The following SNX29 variants were observed in gnomAD, a reference collection of about 807,000 sequenced individuals.
The protein encoded by SNX29 is sorting nexin 29.
Under a neutral mutation model 102.1 loss-of-function variants are expected in SNX29, and 78 were observed. The observed-to-expected ratio is 0.76, with a 90% CI of 0.64 to 0.92. The LOEUF (loss-of-function observed/expected upper bound fraction) is 0.92, where lower values mean the gene tolerates loss of function less well. SNX29 is among the 40% of genes least tolerant of loss of function. The probability of loss-of-function intolerance (pLI) is 0.00; values close to 1 mark genes in which losing one functional copy is unlikely to be tolerated. For missense variants in SNX29, 1,280 were observed against 1,061.7 expected (o/e 1.21, Z -2.86); for synonymous variants, 580 against 414.5 (o/e 1.40, Z -4.85).
At chr16:12,023,590 G>A (rs3844113) in intron 3 of SNX29, among the ~76,000 whole-genome samples, 54,466 of 137,824 alleles carry the variant, frequency 0.4, 11,469 homozygotes, top group Non-Finnish European at 0.47. Flanking sequence ...AAAAAAAAAA[G>A]AAAAGAAAAG....
chr16:12,151,905 T>C (rs2055318290), intron 13 of SNX29, among the ~76,000 whole-genome samples: 1 of 152,284 alleles, frequency 6.6e-6, no homozygotes, highest in Middle Eastern at 3.4e-3. Flanking sequence ...CTGGCCAATT[T>C]TTGTATTTTT....
chr16:12,047,565 C>G (rs1342798526), intron 6 of SNX29, among the ~76,000 whole-genome samples: 1 of 150,756 alleles, frequency 6.6e-6, no homozygotes, highest in South Asian at 2.1e-4. Context: ...TTAATACTTA[C>G]AATCCTGTGA....
intron 11 of SNX29, 105 bp from the exon 12 acceptor site, chr16:12,126,528 T>C: frequency 8.4e-7 from 1 of 1,185,366 alleles, no homozygotes; most frequent in Non-Finnish European, 1.2e-6. Context: ...AAAAGGGAAC[T>C]TATCTAGACA....
At position 12,327,061 on chromosome 16, in the gene SNX29, A is replaced by G. The variant is rs1386251860; in HGVS notation, c.1783-29102A>G. Among the ~76,000 whole-genome samples, 4 of 152,120 alleles carry G rather than the reference A, an allele frequency of 2.6e-5. No individual in the cohort carries two copies. The South Asian group carries it at 6.2e-4, about 24-fold the overall frequency. On this transcript the variant is annotated intron_variant, in intron 15 of 20. Coordinates refer to ENST00000566228, the MANE Select transcript of SNX29 (RefSeq NM_032167.5). ...CTGTGAGAATCGGAGGTGTCATCCT[A>G]TAGGAACCACATGACCCCTCTTCGT...
intron 20 of SNX29, among the ~76,000 whole-genome samples, chr16:12,548,194 C>T (rs540564523): frequency 7.2e-4 from 109 of 152,314 alleles, no homozygotes; most frequent in South Asian, 4.6e-3. Flanking sequence ...CATCCCACAG[C>T]GCCTCCCACA....
chr16:12,030,466 C>G (rs993444922), intron 4 of SNX29, among the ~76,000 whole-genome samples: 1 of 152,192 alleles, frequency 6.6e-6, no homozygotes, highest in Non-Finnish European at 1.5e-5. Context: ...TTCCTCCCAG[C>G]CTTCTCCTTC....
At chr16:12,273,359 G>GT (rs1313096664) in intron 14 of SNX29, among the ~76,000 whole-genome samples, 2 of 147,174 alleles carry the variant, frequency 1.4e-5, no homozygotes, top group East Asian at 2.0e-4. Context: ...TTTTTTTGTT[G>GT]TTGTTTGTTT....
chr16:12,573,257 C>T lies in SNX29; in HGVS notation c.*4628C>T, dbSNP rs573674186. The T allele has an allele frequency of 2.4e-4, 54 of 227,458 alleles. 1 individual carries two copies. The highest frequency in any genetic ancestry group is 1.1e-3 in the African/African-American group (49 of 45,164). The allele number at this position is 227,458 out of a possible 1,614,324, so 14.1% of individuals were successfully genotyped here. On this transcript the variant is annotated 3_prime_UTR_variant, in exon 21 of 21. Transcript: ENST00000566228. ...GTTGTTGAAATGTACCTCGATCAGTCATCTCTGGTATTCCTCACTCTAGCC... is the reference window on the plus strand; with the variant it reads ...GTTGTTGAAATGTACCTCGATCAGTTATCTCTGGTATTCCTCACTCTAGCC...
intron 9 of SNX29, among the ~76,000 whole-genome samples, chr16:12,067,450 C>G (rs186999829): frequency 6.6e-6 from 1 of 152,092 alleles, no homozygotes; most frequent in African/African-American, 2.4e-5. Context: ...CCCCGATGCA[C>G]GGCTGGTTCC....
chr16:12,549,683 T>G (rs1395307591), intron 20 of SNX29, among the ~76,000 whole-genome samples: 1 of 152,214 alleles, frequency 6.6e-6, no homozygotes, highest in Non-Finnish European at 1.5e-5. Flanking sequence ...GCCCGGCATC[T>G]TGATGTCGCA....
intron 18 of SNX29, among the ~76,000 whole-genome samples, chr16:12,420,134 G>A (rs1191409305): frequency 1.3e-5 from 2 of 152,216 alleles, no homozygotes; most frequent in Non-Finnish European, 2.9e-5. Context: ...CTACCCAGCA[G>A]CAGCCACATC....
intron 12 of SNX29, 146 bp from the exon 13 acceptor site, chr16:12,129,484 C>A: frequency 9.5e-7 from 1 of 1,055,002 alleles, no homozygotes; most frequent in Non-Finnish European, 1.3e-6. Context: ...ATCTCCAGTT[C>A]ACATGAGATA....
chr16:12,266,306 T>TAGGCAATTCTCCAACACC (rs1567375576), intron 14 of SNX29, among the ~76,000 whole-genome samples: 1 of 152,094 alleles, frequency 6.6e-6, no homozygotes, highest in African/African-American at 2.4e-5. Context: ...TCTTCCACAC[T>TAGGCAATTCTCCAACACC]AGGCAATTCT....
chr16:12,195,985 CT>C (rs762409358), intron 13 of SNX29, among the ~76,000 whole-genome samples: 3,084 of 117,954 alleles, frequency 0.026, 17 homozygotes, highest in Non-Finnish European at 0.035. Flanking sequence ...GTTTCTTTTC[CT>C]TTTTTTTTTT....
At chr16:12,068,368 C>G (rs1281323571) in intron 9 of SNX29, among the ~76,000 whole-genome samples, 1 of 151,770 alleles carries the variant, frequency 6.6e-6, no homozygotes, top group Non-Finnish European at 1.5e-5. Flanking sequence ...CCTGTAGTCC[C>G]TCCCAGGTAC....
chr16:12,415,434 G>C (rs1453391902), intron 18 of SNX29, among the ~76,000 whole-genome samples: 1 of 152,262 alleles, frequency 6.6e-6, no homozygotes, highest in Non-Finnish European at 1.5e-5. Flanking sequence ...ATGAGGCCTT[G>C]TAATTACACA....
chr16:12,163,715 C>A (rs997488830), intron 13 of SNX29, among the ~76,000 whole-genome samples: 4 of 152,150 alleles, frequency 2.6e-5, no homozygotes, highest in Admixed American at 1.3e-4. Context: ...TTTGTTAAAC[C>A]GAACCTTTTG....
chr16:12,476,546 G>T (rs1056139914), intron 18 of SNX29, among the ~76,000 whole-genome samples: 2 of 148,184 alleles, frequency 1.3e-5, no homozygotes, highest in African/African-American at 5.0e-5. Context: ...TTGAGTAACT[G>T]ATCTGATTAT....
intron 18 of SNX29, among the ~76,000 whole-genome samples, chr16:12,462,225 T>C: frequency 6.6e-6 from 1 of 151,588 alleles, no homozygotes; most frequent in Non-Finnish European, 1.5e-5. Context: ...GCTTCCATGG[T>C]CAGCTTCACT....
Sources: gnomAD v4.1 joint callset for allele counts (sites outside exome capture counted in the v4.1 genomes callset) on GRCh38, gnomAD v4.1.1 for gene constraint, MANE v1.5 for transcripts, NCBI Gene and HGNC (gene_info 2026-07-23, HGNC 2026-07-21) for gene names.